Variants in HGSNAT observed in about 807,000 individuals in gnomAD.
The protein encoded by HGSNAT is heparan-alpha-glucosaminide N-acetyltransferase.
Under a neutral mutation model 85.2 loss-of-function variants are expected in HGSNAT, and 59 were observed. That is an observed-to-expected ratio of 0.69 (90% CI 0.56 to 0.86). The LOEUF is 0.86. Among genes scored for constraint, HGSNAT ranks in the 40% least tolerant of loss-of-function variants. The probability of loss-of-function intolerance (pLI) is 0.00; values close to 1 mark genes in which losing one functional copy is unlikely to be tolerated. For missense variants in HGSNAT, 756 were observed against 777.1 expected (o/e 0.97, Z 0.32); for synonymous variants, 321 against 304.5 (o/e 1.05, Z -0.56).
intron 5 of HGSNAT, among the ~76,000 whole-genome samples, chr8:43,164,540 G>A (rs1230935819): frequency 6.6e-6 from 1 of 152,130 alleles, no homozygotes; most frequent in Admixed American, 6.5e-5. Flanking sequence ...AGCACTTTGG[G>A]GGGCCTAGGC....
chr8:43,178,304 G>A, intron 10 of HGSNAT, 70 bp downstream of exon 10: 2 of 1,172,350 alleles, frequency 1.7e-6, no homozygotes, highest in Non-Finnish European at 2.3e-6. Context: ...TAATTTGAGA[G>A]AAATGCAATT....
At position 43,158,957 on chromosome 8, in the gene HGSNAT, T is replaced by C. The variant is rs1267322118; in HGVS notation, c.406T>C (p.Ser136Pro). The change falls in exon 4 of 18, where the codon TCT becomes CCT. Residue 136 changes from serine to proline, a missense_variant. Ser to Pro is a moderately conservative substitution (Grantham distance 74, BLOSUM62 -1). Coordinates refer to ENST00000379644, the MANE Select transcript of HGSNAT (RefSeq NM_152419.3). ...EYRFGEFGNY[S>P]LLVKNIHNGV... ...CAGATTTGGAGAATTTGGAAACTAT[T>C]CTCTCTTGGTAAAGAACATCCATAA... The C allele has an allele frequency of 6.2e-7, 1 of 1,612,534 alleles. No individual in the cohort carries two copies. Among genetic ancestry groups the C allele is most frequent in the African/African-American group, 1.3e-5 (1 of 74,920 alleles).
intron 9 of HGSNAT, 71 bp downstream of exon 9, chr8:43,173,814 A>T: frequency 6.6e-7 from 1 of 1,505,280 alleles, no homozygotes. Context: ...ATGATGCTGG[A>T]GCCTCTCTTC....
intron 14 of HGSNAT, 167 bp downstream of exon 14, chr8:43,194,010 A>T (rs1804628669): frequency 1.5e-6 from 2 of 1,377,400 alleles, no homozygotes; most frequent in Non-Finnish European, 1.9e-6. Context: ...AAGTTACTGA[A>T]ATTCAGCACA....
chr8:43,165,809 G>A (rs1453411225), intron 5 of HGSNAT, among the ~76,000 whole-genome samples: 1 of 152,100 alleles, frequency 6.6e-6, no homozygotes, highest in African/African-American at 2.4e-5. Flanking sequence ...GGTGTTGCAT[G>A]CCTGTAATCC....
At chr8:43,189,083 G>A (rs1379519707) in intron 11 of HGSNAT, among the ~76,000 whole-genome samples, 1 of 152,174 alleles carries the variant, frequency 6.6e-6, no homozygotes, top group Non-Finnish European at 1.5e-5. Context: ...TGGGGGTCAG[G>A]GACCCACTTG....
chr8:43,165,807 A>G (rs1803416068), intron 5 of HGSNAT, among the ~76,000 whole-genome samples: 2 of 152,274 alleles, frequency 1.3e-5, no homozygotes, highest in African/African-American at 4.8e-5. Flanking sequence ...ATGGTGTTGC[A>G]TGCCTGTAAT....
chr8:43,158,454 T>G, intron 2 of HGSNAT, 121 bp from the exon 3 acceptor site: 1 of 1,007,466 alleles, frequency 9.9e-7, no homozygotes, highest in Non-Finnish European at 1.5e-6. Context: ...AATGTAGAGG[T>G]TTTTTTATAA....
chr8:43,170,640 C>A lies in HGSNAT; in HGVS notation c.689C>A (p.Thr230Lys). Residue 230 changes from threonine (T) to lysine (K), a missense_variant, in exon 7 of 18, where the codon ACG (threonine) becomes AAG (lysine). Thr to Lys is a moderately conservative substitution (Grantham distance 78). Coordinates refer to ENST00000379644, the MANE Select transcript of HGSNAT (RefSeq NM_152419.3). ...DPLDGDVQPATWRLSALPPRL... is the reference protein window; with the variant it reads ...DPLDGDVQPAKWRLSALPPRL... ...CTCGATGGTGATGTTCAGCCAGCAACGTGGCGTCTATCTGCCCTGCCGCCC... is the reference window on the plus strand; with the variant it reads ...CTCGATGGTGATGTTCAGCCAGCAAAGTGGCGTCTATCTGCCCTGCCGCCC... The A allele has an allele frequency of 1.2e-6, 2 of 1,610,170 alleles. No individual in the cohort carries two copies. The highest frequency in any genetic ancestry group is 1.7e-6 in the Non-Finnish European group (2 of 1,178,356).
chr8:43,181,942 C>G, intron 10 of HGSNAT: 3 of 587,454 alleles, frequency 5.1e-6, no homozygotes, highest in Non-Finnish European at 9.1e-6. Flanking sequence ...GACCCTCCCT[C>G]TATTAAGAGG....
chr8:43,140,697 C>A, intron 1 of HGSNAT, 83 bp downstream of exon 1: 1 of 629,780 alleles, frequency 1.6e-6, no homozygotes, highest in Non-Finnish European at 2.1e-6. Context: ...TCTCCGTGCG[C>A]GGCGCCGAGC....
Position 43,158,955 on chromosome 8 carries a change from A to G in HGSNAT, c.404A>G (p.Tyr135Cys), listed in dbSNP as rs1443190878. Residue 135 changes from tyrosine to cysteine, a missense_variant, in exon 4 of 18, where the codon TAT (tyrosine) becomes TGT (cysteine). Coordinates refer to ENST00000379644, the MANE Select transcript of HGSNAT (RefSeq NM_152419.3). ...TACAGATTTGGAGAATTTGGAAACT[A>G]TTCTCTCTTGGTAAAGAACATCCAT... ...LEYRFGEFGN[Y>C]SLLVKNIHNG... 1.2e-6 allele frequency: 2 copies of G among 1,612,456 alleles called. No homozygotes were observed. The highest frequency in any genetic ancestry group is 1.7e-6 in the Non-Finnish European group (2 of 1,178,870).
At chr8:43,160,607 C>A (rs1037070132) in intron 4 of HGSNAT, among the ~76,000 whole-genome samples, 12 of 152,152 alleles carry the variant, frequency 7.9e-5, no homozygotes, top group African/African-American at 2.9e-4. Context: ...TCCCCTAAAC[C>A]CTAAACTGTA....
chr8:43,149,256 G>A (rs555527194), intron 2 of HGSNAT, among the ~76,000 whole-genome samples: 5 of 152,202 alleles, frequency 3.3e-5, no homozygotes, highest in African/African-American at 1.2e-4. Flanking sequence ...CACAGGGTTT[G>A]TATTTAATCA....
rs1352239156 is a variant in HGSNAT at position 43,180,104 on chromosome 8, C to A, written c.1012+1870C>A. ...CTCCCGGACGGGGCGGCTGGCCGACCCCCCCCCCCACCGCCTCCCTCCCGG... is the reference window on the plus strand; with the variant it reads ...CTCCCGGACGGGGCGGCTGGCCGACACCCCCCCCCACCGCCTCCCTCCCGG... On this transcript the variant is annotated intron_variant, in intron 10 of 17. Transcript: ENST00000379644. 2.7e-5 allele frequency among the ~76,000 whole-genome samples: 3 copies of A among 110,084 alleles called. 1 individual carries two copies. The highest frequency in any genetic ancestry group is 1.2e-4 in the African/African-American group (3 of 24,312). 72.2% of individuals were successfully genotyped at this position (110,084 alleles called of 152,430 possible).
intron 14 of HGSNAT, among the ~76,000 whole-genome samples, chr8:43,195,655 T>TGGAGGAGGAGGAGGGCGTAGA (rs144111342): frequency 1.5e-5 from 1 of 67,560 alleles, no homozygotes; most frequent in Admixed American, 1.8e-4. Context: ...GAGGAGGGGC[T>TGGAGGAGGAGGAGGGCGTAGA]GGAGGAGGAG....
Position 43,161,419 on chromosome 8 carries a change from T to A in HGSNAT, c.494-19T>A, listed in dbSNP as rs1278538170. ...GATGACATTTTTGGGGGCTAATGTG[T>A]TTTCTTCTCTTTTTCTAGCTGTGAG... On this transcript the variant is annotated intron_variant, in intron 4 of 17. Coordinates refer to ENST00000379644, the MANE Select transcript of HGSNAT (RefSeq NM_152419.3). 1.2e-6 allele frequency: 2 copies of A among 1,608,418 alleles called. No individual in the cohort carries two copies. Among genetic ancestry groups the A allele is most frequent in the Non-Finnish European group, 1.7e-6 (2 of 1,175,558 alleles).
chr8:43,143,704 AT>A (rs754609672), intron 1 of HGSNAT, among the ~76,000 whole-genome samples: 4,524 of 142,848 alleles, frequency 0.032, 182 homozygotes, highest in African/African-American at 0.098. Flanking sequence ...CGCCTGGCTA[AT>A]TTTTTTTTTT....
intron 2 of HGSNAT, among the ~76,000 whole-genome samples, chr8:43,149,118 A>AAAATAAAT (rs57240507): frequency 0.061 from 8,891 of 146,582 alleles, 304 homozygotes; most frequent in Non-Finnish European, 0.069. Flanking sequence ...TCTGTCTCAA[A>AAAATAAAT]AAATAAATAA....
Sources: allele counts gnomAD v4.1 joint callset (sites outside exome capture counted in the v4.1 genomes callset), GRCh38; gene constraint gnomAD v4.1.1; transcripts MANE v1.5; gene names NCBI Gene and HGNC (gene_info 2026-07-23, HGNC 2026-07-21).